The following CDC25A variants were observed in gnomAD, a reference collection of about 807,000 sequenced individuals.
The protein encoded by CDC25A is cell division cycle 25A, also known as M-phase inducer phosphatase 1.
A neutral mutation model predicts 64.6 loss-of-function variants in CDC25A; 17 were observed. The observed-to-expected ratio is 0.26, with a 90% CI of 0.18 to 0.39. CDC25A has a LOEUF of 0.39. Ranked by LOEUF, CDC25A falls within the 10% of genes least tolerant of loss-of-function variation. The pLI is 1.00. For synonymous variants in CDC25A, 229 were observed against 238.6 expected (o/e 0.96, Z 0.37); for missense variants, 473 against 654.8 (o/e 0.72, Z 3.03).
intron 9 of CDC25A, among the ~76,000 whole-genome samples, chr3:48,168,360 CCACACACACACACACACA>C (rs58104019): frequency 3.1e-4 from 33 of 106,606 alleles, no homozygotes; most frequent in Middle Eastern, 5.1e-3. Context: ...AAGACCCTGT[CCACACACACACACACACA>C]CACACACACA....
rs914338221 is a variant in CDC25A, at chr3:48,188,282, C to A, written c.-335G>T. The A allele has an allele frequency of 4.6e-6, 1 of 216,630 alleles. No homozygotes were observed. The highest frequency in any genetic ancestry group is 5.9e-5 in the Admixed American group (1 of 16,924). 13.4% of individuals were successfully genotyped at this position (216,630 alleles called of 1,614,324 possible). ...AAGCCGGGCGAGAGCCTCGAGGCAA[C>A]GGCCCAGGCTCACGCTGTCTTCGCT... On this transcript the variant is annotated 5_prime_UTR_variant, in exon 1 of 15. Transcript: ENST00000302506.
At position 48,177,356 on chromosome 3, in the gene CDC25A, A is replaced by G; in HGVS notation, c.756+15T>C. Reference sequence around the variant, plus strand: ...ATCACGCAGGGCTTCCTCCAGACACACTAGAACAACTCACAAGGTTTGTAG... The same window carrying G: ...ATCACGCAGGGCTTCCTCCAGACACGCTAGAACAACTCACAAGGTTTGTAG... On this transcript the variant is annotated intron_variant, in intron 8 of 14. Transcript: ENST00000302506. The G allele has an allele frequency of 6.2e-7, 1 of 1,609,538 alleles. No homozygotes were observed. Among genetic ancestry groups the G allele is most frequent in the Non-Finnish European group, 8.5e-7 (1 of 1,175,780 alleles).
intron 10 of CDC25A, among the ~76,000 whole-genome samples, chr3:48,166,909 C>T (rs1187745431): frequency 1.3e-5 from 2 of 152,186 alleles, no homozygotes; most frequent in Non-Finnish European, 2.9e-5. Context: ...AGTAAGACCA[C>T]ATCTCTCCCT....
Position 48,163,790 on chromosome 3 carries a change from T to C in CDC25A, c.1322+517A>G, listed in dbSNP as rs78372394. ...TTATACGGATCCCCACTTGGATCTC[T>C]GCTGCAGTAGGGTCCTTGTTGGTCC... is the stretch of plus-strand genomic sequence containing the variant. On this transcript the variant is annotated intron_variant, in intron 13 of 14. Transcript: ENST00000302506. Among the ~76,000 whole-genome samples the C allele has an allele frequency of 1.7e-3, 253 of 152,332 alleles. 1 individual carries two copies. Among genetic ancestry groups the C allele is most frequent in the African/African-American group, 5.8e-3 (241 of 41,592 alleles).
intron 8 of CDC25A, among the ~76,000 whole-genome samples, chr3:48,176,638 A>AAAAAC (rs201491367): frequency 0.039 from 5,823 of 150,196 alleles, 397 homozygotes; most frequent in African/African-American, 0.13. Flanking sequence ...ATTTTCAATG[A>AAAAAC]AAAACAAAAC....
chr3:48,187,107 CT>C (rs2032870320), intron 1 of CDC25A, among the ~76,000 whole-genome samples: 1 of 152,226 alleles, frequency 6.6e-6, no homozygotes, highest in African/African-American at 2.4e-5. Context: ...ACACTTTCTG[CT>C]TTTCAGAAGT....
At chr3:48,162,926 G>A in intron 13 of CDC25A, among the ~76,000 whole-genome samples, 1 of 151,872 alleles carries the variant, frequency 6.6e-6, no homozygotes, top group East Asian at 1.9e-4. Flanking sequence ...CAAGGAGAGA[G>A]GATTGCTTGA....
chr3:48,168,724 T>C (rs1209233408), intron 9 of CDC25A, among the ~76,000 whole-genome samples: 1 of 151,326 alleles, frequency 6.6e-6, no homozygotes, highest in Non-Finnish European at 1.5e-5. Context: ...ACAGTGATCT[T>C]GGCTCACTGT....
intron 1 of CDC25A, among the ~76,000 whole-genome samples, 164 bp from the exon 2 acceptor site, chr3:48,186,943 T>C (rs2032865516): frequency 6.6e-6 from 1 of 152,164 alleles, no homozygotes; most frequent in South Asian, 2.1e-4. Context: ...GAACACCCAA[T>C]TAGCACTTGG....
In CDC25A at chr3:48,168,586, A is replaced by C. The variant is rs142307553; in HGVS notation, c.931-642T>G. 2.6e-5 allele frequency among the ~76,000 whole-genome samples: 4 copies of C among 151,924 alleles called. No individual in the cohort carries two copies. The East Asian group carries it at 7.7e-4, about 29-fold the overall frequency. ...AAGAGAAAGAAACAAGGGGGGTTAAAACTAGGATTAAGTTTAGAAAAAGTA... is the reference window on the plus strand; with the variant it reads ...AAGAGAAAGAAACAAGGGGGGTTAACACTAGGATTAAGTTTAGAAAAAGTA... On this transcript the variant is annotated intron_variant, in intron 9 of 14. Transcript: ENST00000302506.
At chr3:48,187,500 G>C (rs377239879) in intron 1 of CDC25A, among the ~76,000 whole-genome samples, 4 of 152,372 alleles carry the variant, frequency 2.6e-5, no homozygotes, top group African/African-American at 7.2e-5. Flanking sequence ...AGAGATAGAA[G>C]GAGAGTACGG....
intron 6 of CDC25A, 68 bp downstream of exon 6, chr3:48,180,653 G>A: frequency 1.3e-6 from 2 of 1,551,404 alleles, no homozygotes; most frequent in Non-Finnish European, 1.8e-6. Flanking sequence ...CTTCAATTCT[G>A]GATGAAAGAA....
At chr3:48,186,334 C>CGAGG (rs745469828) in intron 2 of CDC25A, among the ~76,000 whole-genome samples, 4 of 152,056 alleles carry the variant, frequency 2.6e-5, no homozygotes, top group Non-Finnish European at 5.9e-5. Context: ...TTTGGGAGGC[C>CGAGG]GAGGAAGGCG....
At chr3:48,164,241 A>C in intron 13 of CDC25A, 66 bp downstream of exon 13, 1 of 1,432,978 alleles carries the variant, frequency 7.0e-7, no homozygotes, top group Non-Finnish European at 9.2e-7. Flanking sequence ...CAAGCCACAA[A>C]CCACCATGTC....
chr3:48,171,112 C>T (rs967629335), intron 9 of CDC25A, among the ~76,000 whole-genome samples: 5 of 152,014 alleles, frequency 3.3e-5, no homozygotes, highest in Non-Finnish European at 5.9e-5. Context: ...TGGCTCACAC[C>T]TGTAACCCCA....
chr3:48,158,933 G>A lies in CDC25A; in HGVS notation c.*12C>T. 6.2e-7 allele frequency: 1 copy of A among 1,613,896 alleles called. No homozygotes were observed. Among genetic ancestry groups the A allele is most frequent in the African/African-American group, 1.3e-5 (1 of 75,026 alleles). ...GGGAAGCTTGGGCTGCTGCTGGCTG[G>A]TCCTGCCGCCCTCAGAGCTTCTTCA... On this transcript the variant is annotated 3_prime_UTR_variant, in exon 15 of 15. Transcript: ENST00000302506.
In CDC25A at chr3:48,165,875, C is replaced by A. The variant is rs776869712; in HGVS notation, c.1048G>T (p.Val350Phe). ...DFSKGYLFHT[V>F]AGKHQDLKYI... The stretch of plus-strand genomic sequence containing the variant: ...TTTAAATCCTGATGTTTCCCAGCAA[C>A]TGTATGAAAGAGATAACCCTTAAAA... Residue 350 changes from valine (V) to phenylalanine (F), a missense_variant, in exon 11 of 15, where the codon GTT becomes TTT. Val to Phe is a conservative substitution (Grantham distance 50). Transcript: ENST00000302506. 2 of 1,605,290 alleles carry A rather than the reference C, an allele frequency of 1.2e-6. No homozygotes were observed. The highest frequency in any genetic ancestry group is 3.3e-5 in the Admixed American group (2 of 59,982).
At chr3:48,177,334 A>C in intron 8 of CDC25A, 37 bp downstream of exon 8, 1 of 1,514,682 alleles carries the variant, frequency 6.6e-7, no homozygotes, top group Non-Finnish European at 9.2e-7. Context: ...TGCCCCAATC[A>C]CGCAGGGCTT....
At chr3:48,168,957 C>T (rs1295332640) in intron 9 of CDC25A, among the ~76,000 whole-genome samples, 4 of 151,876 alleles carry the variant, frequency 2.6e-5, no homozygotes, top group African/African-American at 9.7e-5. Context: ...CGGCCTACGT[C>T]TTAGCTTTAT....
Sources: gnomAD v4.1 joint callset for allele counts (sites outside exome capture counted in the v4.1 genomes callset) on GRCh38, gnomAD v4.1.1 for gene constraint, MANE v1.5 for transcripts, NCBI Gene and HGNC (gene_info 2026-07-23, HGNC 2026-07-21) for gene names.